Variants in SLC25A12 observed in about 807,000 individuals in gnomAD.
The protein encoded by SLC25A12 is solute carrier family 25 member 12, also known as electrogenic aspartate/glutamate antiporter SLC25A12, mitochondrial.
SLC25A12 carries 32 observed loss-of-function variants against 83.3 expected under a neutral mutation model. The ratio of observed to expected loss-of-function variants is 0.38; its 90% CI spans 0.29 to 0.52. The LOEUF (loss-of-function observed/expected upper bound fraction) is 0.52, where lower values mean the gene tolerates loss of function less well. Ranked by LOEUF, SLC25A12 falls within the 20% of genes least tolerant of loss-of-function variation. The pLI, the probability that SLC25A12 is intolerant of heterozygous loss-of-function variation, is 0.84. For synonymous variants in SLC25A12, 267 were observed against 291.1 expected (o/e 0.92, Z 0.84); for missense variants, 611 against 835.6 (o/e 0.73, Z 3.31).
At chr2:171,827,871 C>T (rs538726490) in intron 8 of SLC25A12, among the ~76,000 whole-genome samples, 3 of 152,232 alleles carry the variant, frequency 2.0e-5, no homozygotes, top group East Asian at 1.9e-4. Flanking sequence ...TTTTCTTTTC[C>T]TCTCTATTGA....
intron 4 of SLC25A12, among the ~76,000 whole-genome samples, chr2:171,853,194 CATA>C (rs1374460295): frequency 1.3e-5 from 2 of 152,038 alleles, no homozygotes; most frequent in African/African-American, 2.4e-5. Flanking sequence ...TTTCTTATTC[CATA>C]ATAATATTCC....
At chr2:171,868,904 A>T in intron 2 of SLC25A12, 81 bp from the exon 3 acceptor site, 1 of 1,189,854 alleles carries the variant, frequency 8.4e-7, no homozygotes, top group Non-Finnish European at 1.2e-6. Context: ...TGAAAAGGTA[A>T]ATTAAAGGCC....
chr2:171,812,712 G>A (rs1486216804), intron 11 of SLC25A12, among the ~76,000 whole-genome samples: 1 of 151,834 alleles, frequency 6.6e-6, no homozygotes, highest in East Asian at 1.9e-4. Flanking sequence ...CATTCCCTGC[G>A]AAAGAAAATC....
intron 11 of SLC25A12, among the ~76,000 whole-genome samples, chr2:171,811,036 T>C (rs902348547): frequency 1.3e-5 from 2 of 152,216 alleles, no homozygotes; most frequent in African/African-American, 4.8e-5. Flanking sequence ...CAATTCAACA[T>C]CTGTTGGGCT....
chr2:171,834,699 CTTAT>C (rs771149391), intron 7 of SLC25A12, 24 bp downstream of exon 7: 1 of 1,609,062 alleles, frequency 6.2e-7, no homozygotes, highest in East Asian at 2.2e-5. Context: ...TGCTGAGATT[CTTAT>C]TTATGTATAT....
intron 10 of SLC25A12, among the ~76,000 whole-genome samples, chr2:171,814,737 T>C (rs1370636553): frequency 6.6e-6 from 1 of 152,132 alleles, no homozygotes; most frequent in Non-Finnish European, 1.5e-5. Flanking sequence ...AATGAGAACA[T>C]GTGGTATTTG....
At chr2:171,869,365 T>C (rs1028899454) in intron 2 of SLC25A12, among the ~76,000 whole-genome samples, 1 of 152,146 alleles carries the variant, frequency 6.6e-6, no homozygotes, top group African/African-American at 2.4e-5. Flanking sequence ...AAAATACATA[T>C]ATTGGTAAGA....
At position 171,784,967 on chromosome 2, in the gene SLC25A12, A is replaced by G. The variant is rs578224237; in HGVS notation, c.*307T>C. 12 of 363,734 alleles carry G rather than the reference A, an allele frequency of 3.3e-5. No individual in the cohort carries two copies. The highest frequency in any genetic ancestry group is 4.8e-5 in the Non-Finnish European group (9 of 187,818). The allele number at this position is 363,734 out of a possible 1,614,324, so 22.5% of individuals were successfully genotyped here. A position where few individuals can be genotyped will look rare whatever the true frequency, so the allele number is the denominator to read the frequency against. ...GGATGAGGTGCCAAGATGTCTCTGT[A>G]CAAAGATGTACAATATGTACAATCA... On this transcript the variant is annotated 3_prime_UTR_variant, in exon 18 of 18. Transcript: ENST00000422440.
chr2:171,825,382 G>A (rs1684278754), intron 9 of SLC25A12, among the ~76,000 whole-genome samples: 1 of 152,196 alleles, frequency 6.6e-6, no homozygotes, highest in Admixed American at 6.5e-5. Flanking sequence ...TGGAGCTCAA[G>A]TAGAAGAAAG....
At chr2:171,858,525 G>A (rs957670634) in intron 3 of SLC25A12, among the ~76,000 whole-genome samples, 2 of 152,086 alleles carry the variant, frequency 1.3e-5, no homozygotes, top group Non-Finnish European at 2.9e-5. Context: ...ATGAGAAGAG[G>A]CCAAAAACTT....
At position 171,849,243 on chromosome 2, in the gene SLC25A12, C is replaced by G. The variant is rs537445309; in HGVS notation, c.326-4735G>C. ...TACATACATACTATTATTATTGAAG[C>G]TAGACACTTCAACAGTCTATCATCA... is the stretch of plus-strand genomic sequence containing the variant. On this transcript the variant is annotated intron_variant, in intron 4 of 17. Coordinates refer to ENST00000422440, the MANE Select transcript of SLC25A12 (RefSeq NM_003705.5). 2.5e-3 allele frequency among the ~76,000 whole-genome samples: 384 copies of G among 152,016 alleles called. 2 individuals are homozygous for G. The highest frequency in any genetic ancestry group is 9.0e-3 in the African/African-American group (373 of 41,464).
intron 9 of SLC25A12, among the ~76,000 whole-genome samples, chr2:171,818,333 TTAAG>T (rs1043144797): frequency 1.3e-5 from 2 of 152,110 alleles, no homozygotes; most frequent in Non-Finnish European, 2.9e-5. Flanking sequence ...ACAAGGTTAA[TTAAG>T]TGTTTTTCAA....
intron 3 of SLC25A12, among the ~76,000 whole-genome samples, chr2:171,865,463 T>A (rs1018127339): frequency 1.3e-5 from 2 of 151,902 alleles, no homozygotes; most frequent in Non-Finnish European, 2.9e-5. Flanking sequence ...GAGTTCGAGA[T>A]CAGCCTGGCC....
rs1573976951 is a variant in SLC25A12 at position 171,844,292 on chromosome 2, A to G, written c.465+77T>C. 5 of 1,479,778 alleles carry G rather than the reference A, an allele frequency of 3.4e-6. No homozygotes were observed. The East Asian group carries it at 9.1e-5, about 27-fold the overall frequency. The allele number at this position is 1,479,778 out of a possible 1,614,324, so 91.7% of individuals were successfully genotyped here. ...TACCATGGAGAACTTCTATTTTTGT[A>G]ATAAACTTAATAAATACAAAGCGAA... On this transcript the variant is annotated intron_variant, in intron 5 of 17. Transcript: ENST00000422440.
At position 171,783,993 on chromosome 2, in the gene SLC25A12, C is replaced by T. The variant is rs746811339; in HGVS notation, c.*1281G>A. ...TACTGGCAGTAGCAATAATGTCTTC[C>T]CAGAGCACTTTGGTAAGGTAAATAA... On this transcript the variant is annotated 3_prime_UTR_variant, in exon 18 of 18. Transcript: ENST00000422440. Among the ~76,000 whole-genome samples, 24 of 152,122 alleles carry T rather than the reference C, an allele frequency of 1.6e-4. No individual in the cohort carries two copies. Among genetic ancestry groups the T allele is most frequent in the Non-Finnish European group, 3.4e-4 (23 of 68,038 alleles).
At chr2:171,793,824 T>TA in intron 13 of SLC25A12, 57 bp from the exon 14 acceptor site, 1 of 1,605,190 alleles carries the variant, frequency 6.2e-7, no homozygotes. Flanking sequence ...ACTGGCAGCG[T>TA]AAAAAAGGAA....
intron 2 of SLC25A12, among the ~76,000 whole-genome samples, chr2:171,880,293 A>T (rs1034623150): frequency 2.0e-5 from 3 of 151,100 alleles, no homozygotes; most frequent in African/African-American, 7.3e-5. Context: ...ATCATATTTT[A>T]TTTTTTTGAG....
intron 13 of SLC25A12, among the ~76,000 whole-genome samples, chr2:171,796,453 T>C (rs1683599145): frequency 6.6e-6 from 1 of 152,198 alleles, no homozygotes; most frequent in African/African-American, 2.4e-5. Flanking sequence ...GTTTGTTTCA[T>C]GCCTATGTTT....
intron 4 of SLC25A12, among the ~76,000 whole-genome samples, chr2:171,850,404 G>A (rs1216163947): frequency 1.5e-5 from 2 of 133,006 alleles, no homozygotes; most frequent in African/African-American, 5.7e-5. Context: ...GCAGTGCAGT[G>A]GCCTGATCTT....
Sources: allele counts gnomAD v4.1 joint callset (sites outside exome capture counted in the v4.1 genomes callset), GRCh38; gene constraint gnomAD v4.1.1; transcripts MANE v1.5; gene names NCBI Gene and HGNC (gene_info 2026-07-23, HGNC 2026-07-21).